CPM: variants seen among roughly 807,000 people sequenced by gnomAD.
The protein encoded by CPM is carboxypeptidase M.
In CPM, 35 loss-of-function variants were observed where a neutral mutation model predicts 46.4. That is an observed-to-expected ratio of 0.75 (90% confidence interval 0.58 to 1.00). CPM has a LOEUF of 1.00. Among genes scored for constraint, CPM ranks in the 50% least tolerant of loss-of-function variants. CPM has a pLI of 0.00. For synonymous variants in CPM, 195 were observed against 195.3 expected, an observed-to-expected ratio of 1.00 and a Z score of 0.01; for missense variants, 422 against 530.4, an observed-to-expected ratio of 0.80 and a Z score of 2.01.
intron 2 of CPM, among the ~76,000 whole-genome samples, chr12:68,890,262 C>T (rs1366528532): frequency 6.6e-6 from 1 of 151,894 alleles, no homozygotes; most frequent in East Asian, 1.9e-4. Context: ...TGAATGCATC[C>T]CTACAGGATT....
downstream of CPM, chr12:68,846,696 G>A (rs1405485502): frequency 6.6e-6 from 1 of 152,076 alleles, no homozygotes; most frequent in Non-Finnish European, 1.5e-5. Flanking sequence ...GATTATTTTA[G>A]ACTTTTAGAA....
At chr12:68,890,008 C>T (rs1886589096) in intron 2 of CPM, among the ~76,000 whole-genome samples, 1 of 152,144 alleles carries the variant, frequency 6.6e-6, no homozygotes, top group Non-Finnish European at 1.5e-5. Context: ...GGGCTGATGC[C>T]ATTTTAGGCT....
At chr12:68,890,089 C>T (rs919410938) in intron 2 of CPM, among the ~76,000 whole-genome samples, 3 of 152,064 alleles carry the variant, frequency 2.0e-5, no homozygotes, top group Non-Finnish European at 2.9e-5. Context: ...TTTCTGTTGG[C>T]GCGCTCTCAG....
At chr12:68,951,936 A>G (rs61926314) in intron 1 of CPM, among the ~76,000 whole-genome samples, 6,192 of 152,338 alleles carry the variant, frequency 0.041, 163 homozygotes, top group Middle Eastern at 0.092. Flanking sequence ...GTGCCAGTGA[A>G]GGCCATGGGA....
Position 68,909,181 on chromosome 12 carries a change from G to T in CPM, c.161-23292C>A, listed in dbSNP as rs1019924128. The stretch of plus-strand genomic sequence containing the variant: ...CCTCGGTGTCCTGGGTAGCTGGAAT[G>T]ACAGGAATGCACCATCATGCCTGGC... On this transcript the variant is annotated intron_variant, in intron 2 of 8. Transcript: ENST00000551568. 2.6e-5 allele frequency among the ~76,000 whole-genome samples: 4 copies of T among 152,276 alleles called. No homozygotes were observed. In the East Asian group the frequency reaches 7.7e-4, roughly 29 times the overall value.
At chr12:68,948,354 C>A (rs946020240) in intron 1 of CPM, among the ~76,000 whole-genome samples, 1 of 152,018 alleles carries the variant, frequency 6.6e-6, no homozygotes, top group African/African-American at 2.4e-5. Context: ...AGGGGGTAGG[C>A]ATTAGGGAAA....
chr12:68,930,885 C>T (rs1235318757), intron 2 of CPM, among the ~76,000 whole-genome samples: 2 of 152,180 alleles, frequency 1.3e-5, no homozygotes, highest in African/African-American at 4.8e-5. Context: ...TAACAACATC[C>T]TCATCATCTT....
At chr12:68,876,867 G>A (rs1247420705) in intron 3 of CPM, among the ~76,000 whole-genome samples, 1 of 150,162 alleles carries the variant, frequency 6.7e-6, no homozygotes, top group Non-Finnish European at 1.5e-5. Context: ...AGTGTTGTGT[G>A]GTGTGTGTGT....
At chr12:68,957,294 T>C (rs1420923837) in intron 1 of CPM, 1 of 154,810 alleles carries the variant, frequency 6.5e-6, no homozygotes. Context: ...GTGTCTGTGA[T>C]GTGCTGTGAC....
At chr12:68,897,081 T>A (rs1565786094) in intron 2 of CPM, among the ~76,000 whole-genome samples, 1 of 152,158 alleles carries the variant, frequency 6.6e-6, no homozygotes, top group African/African-American at 2.4e-5. Context: ...GCCTTTCTCC[T>A]CTTGCAACCC....
intron 5 of CPM, chr12:68,842,362 A>T: frequency 4.0e-6 from 2 of 495,272 alleles, no homozygotes; most frequent in South Asian, 3.1e-5. Flanking sequence ...AGTTAACAGG[A>T]TGCAGACATG....
rs557877201 is a variant in CPM, at chr12:68,902,717, T to G, written c.161-16828A>C. Among the ~76,000 whole-genome samples, 5 of 152,342 alleles carry G rather than the reference T, an allele frequency of 3.3e-5. No individual in the cohort carries two copies. In the South Asian group the frequency reaches 1.0e-3, roughly 32 times the overall value. On this transcript the variant is annotated intron_variant, in intron 2 of 8. Coordinates refer to ENST00000551568, the MANE Select transcript of CPM (RefSeq NM_198320.5). ...GAGATAAGTAAGGCAGGTATTATTATCCTCATTTTACAAATGACGAGATGG... is the reference window on the plus strand; with the variant it reads ...GAGATAAGTAAGGCAGGTATTATTAGCCTCATTTTACAAATGACGAGATGG...
At chr12:68,879,951 G>T (rs967362608) in intron 3 of CPM, among the ~76,000 whole-genome samples, 1 of 152,054 alleles carries the variant, frequency 6.6e-6, no homozygotes, top group Non-Finnish European at 1.5e-5. Flanking sequence ...TAGAGTATTG[G>T]TTATAGTTTA....
chr12:68,862,303 C>T lies in CPM; in HGVS notation c.941-3232G>A, dbSNP rs1015128770. Among the ~76,000 whole-genome samples the T allele has an allele frequency of 2.9e-5, 4 of 138,862 alleles. 1 individual carries two copies. Among genetic ancestry groups the T allele is most frequent in the Non-Finnish European group, 4.7e-5 (3 of 63,916 alleles). The allele number at this position is 138,862 out of a possible 152,430, so 91.1% of individuals were successfully genotyped here. A position where few individuals can be genotyped will look rare whatever the true frequency, so the allele number is the denominator to read the frequency against. Reference sequence around the variant, plus strand: ...AGGCTGGAGTGCAGTGGCACCAGTTCGGCTCACTGCAACTTTCATCTCCCG... The same window carrying T: ...AGGCTGGAGTGCAGTGGCACCAGTTTGGCTCACTGCAACTTTCATCTCCCG... On this transcript the variant is annotated intron_variant, in intron 7 of 8. Coordinates refer to ENST00000551568, the MANE Select transcript of CPM (RefSeq NM_198320.5).
chr12:68,852,306 C>T lies in CPM; in HGVS notation c.*4131G>A, dbSNP rs1884734071. On this transcript the variant is annotated 3_prime_UTR_variant, in exon 9 of 9. Coordinates refer to ENST00000551568, the MANE Select transcript of CPM (RefSeq NM_198320.5). ...TGCCATTTAGATTCAATCATGTCAA[C>T]ATTTACCAACATTTGAGTAGGTATA... 6.6e-6 allele frequency: 1 copy of T among 152,186 alleles called. No homozygotes were observed. Among genetic ancestry groups the T allele is most frequent in the African/African-American group, 2.4e-5 (1 of 41,444 alleles). The allele number at this position is 152,186 out of a possible 1,614,324, so 9.4% of individuals were successfully genotyped here. A position where few individuals can be genotyped will look rare whatever the true frequency, so the allele number is the denominator to read the frequency against.
chr12:68,876,542 A>G (rs952234369), intron 3 of CPM, among the ~76,000 whole-genome samples: 3 of 152,242 alleles, frequency 2.0e-5, no homozygotes, highest in African/African-American at 7.2e-5. Flanking sequence ...AGAGTCTCCA[A>G]TTGCCCAGGC....
In CPM at chr12:68,868,357, C is replaced by T. The variant is rs149503864; in HGVS notation, c.787+968G>A. 3.8e-3 allele frequency among the ~76,000 whole-genome samples: 579 copies of T among 152,208 alleles called. 6 individuals are homozygous for T. The highest frequency in any genetic ancestry group is 0.013 in the African/African-American group (552 of 41,526). ...AGAGAGCCACCCAGGCATAAAAATA[C>T]CAGCTTGTGAAAGATTACCTGAAAG... On this transcript the variant is annotated intron_variant, in intron 6 of 8. Transcript: ENST00000551568.
intron 2 of CPM, among the ~76,000 whole-genome samples, chr12:68,897,667 G>A (rs1400320617): frequency 6.7e-6 from 1 of 148,926 alleles, no homozygotes; most frequent in African/African-American, 2.5e-5. Flanking sequence ...AACCCGGGAA[G>A]CAGAGGTTGC....
At chr12:68,912,591 G>C (rs1448150502) in intron 2 of CPM, among the ~76,000 whole-genome samples, 2 of 152,152 alleles carry the variant, frequency 1.3e-5, no homozygotes, top group Non-Finnish European at 2.9e-5. Context: ...GGTCACTTAT[G>C]ACTTCTAAGA....
Sources: allele counts gnomAD v4.1 joint callset (sites outside exome capture counted in the v4.1 genomes callset), GRCh38; gene constraint gnomAD v4.1.1; transcripts MANE v1.5; gene names NCBI Gene and HGNC (gene_info 2026-07-23, HGNC 2026-07-21).